ZMYM6: variants seen among roughly 807,000 people sequenced by gnomAD.
ZMYM6 encodes zinc finger MYM-type protein 6.
A neutral mutation model predicts 134.0 loss-of-function variants in ZMYM6; 90 were observed. The ratio of observed to expected loss-of-function variants is 0.67; its 90% CI spans 0.57 to 0.80. ZMYM6 has a LOEUF of 0.80. Among genes scored for constraint, ZMYM6 ranks in the 30% least tolerant of loss-of-function variants. The pLI, the probability that ZMYM6 is intolerant of heterozygous loss-of-function variation, is 0.00. For missense variants in ZMYM6, 1,362 were observed against 1,533.9 expected (o/e 0.89, Z 1.87); for synonymous variants, 481 against 524.1 (o/e 0.92, Z 1.12).
chr1:35,000,564 T>C (rs1640862901), intron 14 of ZMYM6, among the ~76,000 whole-genome samples: 1 of 152,112 alleles, frequency 6.6e-6, no homozygotes, highest in Non-Finnish European at 1.5e-5. Flanking sequence ...AGCAAAAACC[T>C]GGAAACGATC....
chr1:35,011,523 T>C (rs886561760), intron 8 of ZMYM6, among the ~76,000 whole-genome samples: 2 of 152,196 alleles, frequency 1.3e-5, no homozygotes, highest in African/African-American at 4.8e-5. Flanking sequence ...CAGGAGTCAC[T>C]GTGTTTCTGA....
At chr1:34,992,086 A>G (rs1307879948) in intron 15 of ZMYM6, 148 bp downstream of exon 15, 1 of 986,268 alleles carries the variant, frequency 1.0e-6, no homozygotes, top group East Asian at 2.7e-5. Context: ...TGAAAGCAAT[A>G]AATTAAGTAT....
At chr1:34,989,068 T>G (rs1481320598) in intron 15 of ZMYM6, 133 bp from the exon 16 acceptor site, 2 of 1,465,360 alleles carry the variant, frequency 1.4e-6, no homozygotes, top group Admixed American at 5.2e-5. Context: ...GGTAAAAGTT[T>G]AAGCACAAGT....
At chr1:35,012,694 G>C (rs748502769) in intron 6 of ZMYM6, 113 bp from the exon 7 acceptor site, 44 of 1,468,020 alleles carry the variant, frequency 3.0e-5, no homozygotes, top group Non-Finnish European at 3.9e-5. Flanking sequence ...TGAAATATTT[G>C]AGCATGATGA....
intron 6 of ZMYM6, 64 bp downstream of exon 6, chr1:35,014,633 C>T: frequency 6.6e-7 from 1 of 1,506,660 alleles, no homozygotes; most frequent in South Asian, 1.2e-5. Context: ...TTTTGTAGTT[C>T]ATCCCTGTGC....
chr1:35,019,274 T>A, intron 4 of ZMYM6, 79 bp downstream of exon 4: 1 of 1,578,650 alleles, frequency 6.3e-7, no homozygotes, highest in Non-Finnish European at 8.7e-7. Flanking sequence ...AGATTTAAAG[T>A]ATCAACAGTA....
rs780394036 is a variant in ZMYM6 at position 35,020,459 on chromosome 1, T to C, written c.102A>G (p.Gly34=). ...CTTGAGTTTTTGGCTGTTGGACACA[T>C]CCATACTCCTTTAAAAAAAAAAAGA... The part of the protein sequence containing the change: ...KEEPDNAQEY[G]CVQQPKTQES... The change falls in exon 3 of 16, where the codon GGA becomes GGG. Residue 34 remains glycine (G), a synonymous_variant. Coordinates refer to ENST00000357182, the MANE Select transcript of ZMYM6 (RefSeq NM_007167.4). The C allele has an allele frequency of 6.3e-7, 1 of 1,575,080 alleles. No individual in the cohort carries two copies. Among genetic ancestry groups the C allele is most frequent in the Non-Finnish European group, 8.6e-7 (1 of 1,168,366 alleles).
At chr1:35,026,511 C>A (rs1304477800) in intron 2 of ZMYM6, among the ~76,000 whole-genome samples, 3 of 152,138 alleles carry the variant, frequency 2.0e-5, no homozygotes, top group African/African-American at 7.2e-5. Context: ...ATAGCCTATT[C>A]ACCTGAAAAC....
In ZMYM6 at chr1:34,987,554, T is replaced by C; in HGVS notation, c.3528A>G (p.Ser1176=). 2 of 1,613,970 alleles carry C rather than the reference T, an allele frequency of 1.2e-6. No homozygotes were observed. Among genetic ancestry groups the C allele is most frequent in the Non-Finnish European group, 8.5e-7 (1 of 1,179,948 alleles). ...TTGTGATGTCTGTCATATTTAAGCC[T>C]GATGAATTTGAGAATTCAGAAAATG... is the stretch of plus-strand genomic sequence containing the variant. ...FPSFSEFSNS[S]GLNMTDITRI... is the part of the protein sequence containing the mutation. The change falls in exon 16 of 16, where the codon TCA becomes TCG. Residue 1176 remains serine (S), a synonymous_variant. Coordinates refer to ENST00000357182, the MANE Select transcript of ZMYM6 (RefSeq NM_007167.4).
chr1:35,013,389 T>C (rs914376728), intron 6 of ZMYM6: 1 of 983,546 alleles, frequency 1.0e-6, no homozygotes, highest in African/African-American at 1.7e-5. Context: ...AAAGAAATTG[T>C]AGGAAAATAT....
At chr1:35,012,066 A>ATTTT in intron 7 of ZMYM6, 61 bp from the exon 8 acceptor site, 4 of 1,015,626 alleles carry the variant, frequency 3.9e-6, no homozygotes, top group Non-Finnish European at 5.7e-6. Flanking sequence ...CAATACAAAA[A>ATTTT]TGTATTGGGA....
chr1:35,000,235 A>AT (rs964171760), intron 14 of ZMYM6, among the ~76,000 whole-genome samples: 13 of 133,756 alleles, frequency 9.7e-5, no homozygotes, highest in South Asian at 6.6e-4. Flanking sequence ...CGCCCCAGAG[A>AT]TTTTTTTTTT....
chr1:35,025,100 A>G (rs1388701909), intron 2 of ZMYM6, among the ~76,000 whole-genome samples: 3 of 150,576 alleles, frequency 2.0e-5, no homozygotes, highest in African/African-American at 7.3e-5. Flanking sequence ...TGAACTCCTG[A>G]CCTCAAGTGA....
chr1:35,001,332 T>C (rs1486523707), intron 14 of ZMYM6, among the ~76,000 whole-genome samples: 1 of 151,176 alleles, frequency 6.6e-6, no homozygotes, highest in Non-Finnish European at 1.5e-5. Context: ...TTTTATAGAC[T>C]AAAGTAAAAA....
intron 4 of ZMYM6, chr1:35,018,018 C>T (rs1557582700): frequency 6.6e-6 from 1 of 152,106 alleles, no homozygotes; most frequent in Non-Finnish European, 1.5e-5. Context: ...TATTTTGCAA[C>T]AAACTAATTT....
At position 34,987,638 on chromosome 1, in the gene ZMYM6, C is replaced by G; in HGVS notation, c.3444G>C (p.Lys1148Asn). 5 of 1,580,466 alleles carry G rather than the reference C, an allele frequency of 3.2e-6. No individual in the cohort carries two copies. The highest frequency in any genetic ancestry group is 1.1e-5 in the South Asian group (1 of 87,244). ...GCTTCAACCACATTTTTAACTTTCTCTTAAATACATCAATTTTATTACACA... is the reference window on the plus strand; with the variant it reads ...GCTTCAACCACATTTTTAACTTTCTGTTAAATACATCAATTTTATTACACA... The part of the protein sequence containing the change: ...FNLCNKIDVF[K>N]RKLKMWLKRT... The change falls in exon 16 of 16, where the codon AAG becomes AAC. Residue 1148 changes from lysine (K) to asparagine (N), a missense_variant. Transcript: ENST00000357182.
rs188176458 is a variant in ZMYM6, at chr1:35,026,033, T to C, written c.93+4514A>G. Among the ~76,000 whole-genome samples the C allele has an allele frequency of 4.6e-5, 7 of 152,338 alleles. No homozygotes were observed. The East Asian group carries it at 1.2e-3, about 25-fold the overall frequency. On this transcript the variant is annotated intron_variant, in intron 2 of 15. Coordinates refer to ENST00000357182, the MANE Select transcript of ZMYM6 (RefSeq NM_007167.4). Reference sequence around the variant, plus strand: ...ATATAAGGACTAAACTGCAACTTTTTTTTTTTAGATGGAGTCTCCCTTTGT... The same window carrying C: ...ATATAAGGACTAAACTGCAACTTTTCTTTTTTAGATGGAGTCTCCCTTTGT...
chr1:34,989,086 C>G (rs1028126513), intron 15 of ZMYM6, 151 bp from the exon 16 acceptor site: 2 of 1,433,642 alleles, frequency 1.4e-6, no homozygotes, highest in Admixed American at 5.7e-5. Context: ...AGTCATAATA[C>G]TTCCAATGAT....
chr1:35,009,692 G>A (rs1199164247), intron 10 of ZMYM6, among the ~76,000 whole-genome samples: 6 of 152,002 alleles, frequency 3.9e-5, no homozygotes, highest in African/African-American at 1.4e-4. Flanking sequence ...CAGCACTTTG[G>A]GAGGCCGAGG....
Sources: gnomAD v4.1 joint callset for allele counts (sites outside exome capture counted in the v4.1 genomes callset) on GRCh38, gnomAD v4.1.1 for gene constraint, MANE v1.5 for transcripts, NCBI Gene and HGNC (gene_info 2026-07-23, HGNC 2026-07-21) for gene names.